Variants in SNX30 observed in about 807,000 individuals in gnomAD.
SNX30 encodes sorting nexin-30.
A neutral mutation model predicts 46.4 loss-of-function variants in SNX30; 24 were observed. That is an observed-to-expected ratio of 0.52 (90% CI 0.37 to 0.73). SNX30 has a LOEUF of 0.73. SNX30 is among the 30% of genes least tolerant of loss of function. The pLI is 0.00. For missense variants in SNX30, 533 were observed against 555.7 expected (o/e 0.96, Z 0.41); for synonymous variants, 189 against 211.5 (o/e 0.89, Z 0.92).
intron 8 of SNX30, among the ~76,000 whole-genome samples, chr9:112,865,232 A>G (rs1841305263): frequency 6.8e-6 from 1 of 147,276 alleles, no homozygotes; most frequent in Admixed American, 6.8e-5. Flanking sequence ...CACAACCCCC[A>G]CACACACCAT....
chr9:112,849,151 A>G (rs1840985753), intron 6 of SNX30, among the ~76,000 whole-genome samples: 1 of 152,142 alleles, frequency 6.6e-6, no homozygotes, highest in African/African-American at 2.4e-5. Flanking sequence ...CTGCTGTTCC[A>G]TTGCACCTTG....
rs932517926 is a variant in SNX30 at position 112,870,442 on chromosome 9, T to G, written c.*1599T>G. Reference sequence around the variant, plus strand: ...GGCTGTGGTGCTGTTGATGCCGCAGTTGGACAGCATAGGACGGCTTGGTTC... The same window carrying G: ...GGCTGTGGTGCTGTTGATGCCGCAGGTGGACAGCATAGGACGGCTTGGTTC... On this transcript the variant is annotated 3_prime_UTR_variant, in exon 9 of 9. Coordinates refer to ENST00000374232, the MANE Select transcript of SNX30 (RefSeq NM_001012994.2). 1.5e-4 allele frequency: 23 copies of G among 152,198 alleles called. No homozygotes were observed. The highest frequency in any genetic ancestry group is 5.3e-4 in the African/African-American group (22 of 41,434). The allele number at this position is 152,198 out of a possible 1,614,324, so 9.4% of individuals were successfully genotyped here. A position where few individuals can be genotyped will look rare whatever the true frequency, so the allele number is the denominator to read the frequency against.
chr9:112,870,536 G>A lies in SNX30; in HGVS notation c.*1693G>A, dbSNP rs1001060730. On this transcript the variant is annotated 3_prime_UTR_variant, in exon 9 of 9. Coordinates refer to ENST00000374232, the MANE Select transcript of SNX30 (RefSeq NM_001012994.2). ...TTAAATCAATTGGTACTTGCCTGTA[G>A]TGTTAAACCCTATTTGTGCCATTCT... 2.0e-5 allele frequency: 3 copies of A among 152,370 alleles called. No homozygotes were observed. Among genetic ancestry groups the A allele is most frequent in the South Asian group, 4.1e-4 (2 of 4,826 alleles). 9.4% of individuals were successfully genotyped at this position (152,370 alleles called of 1,614,324 possible).
chr9:112,804,187 G>T (rs71503541), intron 1 of SNX30, among the ~76,000 whole-genome samples: 10,220 of 151,488 alleles, frequency 0.067, 469 homozygotes, highest in Non-Finnish European at 0.11. Context: ...TTTTTTAAAT[G>T]GAGTTTCGCT....
At chr9:112,839,279 TTAAAAGGACATGA>T (rs1471282230) in intron 6 of SNX30, among the ~76,000 whole-genome samples, 2 of 152,146 alleles carry the variant, frequency 1.3e-5, no homozygotes, top group African/African-American at 4.8e-5. Context: ...AATCGTCTGA[TTAAAAGGACATGA>T]TAATTGCCCA....
chr9:112,851,642 G>A (rs148349031), intron 7 of SNX30, among the ~76,000 whole-genome samples: 141 of 152,370 alleles, frequency 9.3e-4, no homozygotes, highest in African/African-American at 3.3e-3. Flanking sequence ...CAAAGGAATT[G>A]TAATGGAGAA....
At chr9:112,777,243 A>G (rs143997326) in intron 1 of SNX30, among the ~76,000 whole-genome samples, 2 of 151,922 alleles carry the variant, frequency 1.3e-5, no homozygotes, top group African/African-American at 2.4e-5. Context: ...TTTTATTTTT[A>G]TATTCCTTTT....
In SNX30 at chr9:112,838,582, G is replaced by T; in HGVS notation, c.899G>T (p.Gly300Val). The change falls in exon 6 of 9, where the codon GGT (glycine) becomes GTT (valine). Residue 300 changes from glycine to valine, a missense_variant. Around this residue, in one of 3 missense-constraint regions of SNX30, gnomAD observed 261 missense variants for 270.9 expected, o/e 0.96. Transcript: ENST00000374232. Reference protein sequence around the residue: ...LEGELAEPLEGVSACIGNCST... With the variant: ...LEGELAEPLEVVSACIGNCST... Reference sequence around the variant, plus strand: ...GGTGAGCTGGCTGAACCCCTGGAGGGTGTGTCAGCTTGCATTGGGAACTGC... The same window carrying T: ...GGTGAGCTGGCTGAACCCCTGGAGGTTGTGTCAGCTTGCATTGGGAACTGC... 6.2e-7 allele frequency: 1 copy of T among 1,614,226 alleles called. No homozygotes were observed. Among genetic ancestry groups the T allele is most frequent in the African/African-American group, 1.3e-5 (1 of 75,068 alleles).
intron 2 of SNX30, among the ~76,000 whole-genome samples, chr9:112,816,298 C>G (rs1481489276): frequency 2.6e-5 from 4 of 152,138 alleles, no homozygotes; most frequent in African/African-American, 9.7e-5. Flanking sequence ...CCACTTGTTC[C>G]CAATATTTCT....
chr9:112,759,302 C>G (rs902071929), intron 1 of SNX30, among the ~76,000 whole-genome samples: 1 of 152,180 alleles, frequency 6.6e-6, no homozygotes, highest in Non-Finnish European at 1.5e-5. Context: ...TCTTCAGGGT[C>G]CTCAGTGATC....
chr9:112,750,421 GC>G (rs141872856), upstream of SNX30: 10,370 of 152,314 alleles, frequency 0.068, 449 homozygotes, highest in Non-Finnish European at 0.099. Flanking sequence ...TGTCCTCAAA[GC>G]CCCCAGCCCC....
chr9:112,759,198 A>T (rs1306037741), intron 1 of SNX30, among the ~76,000 whole-genome samples: 4 of 152,054 alleles, frequency 2.6e-5, no homozygotes, highest in Non-Finnish European at 5.9e-5. Context: ...TCTTTACAAT[A>T]CACTTTTCTG....
chr9:112,772,176 A>G (rs1391940710), intron 1 of SNX30, among the ~76,000 whole-genome samples: 3 of 152,120 alleles, frequency 2.0e-5, no homozygotes, highest in African/African-American at 7.2e-5. Flanking sequence ...AACAATCCTT[A>G]TTCTAGTGAG....
intron 1 of SNX30, among the ~76,000 whole-genome samples, chr9:112,797,435 T>C (rs1840124094): frequency 6.6e-6 from 1 of 151,714 alleles, no homozygotes; most frequent in Non-Finnish European, 1.5e-5. Context: ...TCTTGTATCA[T>C]TTATATCCCC....
chr9:112,857,820 T>C (rs374061055), intron 7 of SNX30, among the ~76,000 whole-genome samples: 5 of 146,922 alleles, frequency 3.4e-5, no homozygotes, highest in African/African-American at 1.3e-4. Context: ...ATCTATCTAT[T>C]TATTTATTGC....
chr9:112,796,966 C>A (rs1274633266), intron 1 of SNX30, among the ~76,000 whole-genome samples: 4 of 152,144 alleles, frequency 2.6e-5, no homozygotes, highest in African/African-American at 9.7e-5. Context: ...GGAAAGCACC[C>A]CCTCCTCCCC....
In SNX30 at chr9:112,817,701, G is replaced by T; in HGVS notation, c.349-4G>T. The stretch of plus-strand genomic sequence containing the variant: ...CTTATTTTTTTCCATTCTCTTCTTT[G>T]CAGAGTACTCGGGTGGAGTTTGACC... On this transcript the variant is annotated splice_region_variant and splice_polypyrimidine_tract_variant and intron_variant, in intron 2 of 8. Transcript: ENST00000374232. 2 of 1,554,416 alleles carry T rather than the reference G, an allele frequency of 1.3e-6. No homozygotes were observed. The highest frequency in any genetic ancestry group is 1.4e-5 in the African/African-American group (1 of 73,940).
At chr9:112,834,629 G>A (rs1476471467) in intron 4 of SNX30, among the ~76,000 whole-genome samples, 1 of 152,148 alleles carries the variant, frequency 6.6e-6, no homozygotes, top group Non-Finnish European at 1.5e-5. Flanking sequence ...CGTGACAGCA[G>A]CATTCCATCC....
intron 7 of SNX30, among the ~76,000 whole-genome samples, chr9:112,852,090 C>T (rs113353809): frequency 2.0e-5 from 3 of 152,232 alleles, no homozygotes; most frequent in Middle Eastern, 6.8e-3. Flanking sequence ...CAGGCCAGCT[C>T]GGAACTCGTC....
Sources: gnomAD v4.1 joint callset for allele counts (sites outside exome capture counted in the v4.1 genomes callset) on GRCh38, gnomAD v4.1.1 for gene constraint, gnomAD v4.1.1 regional missense constraint, MANE v1.5 for transcripts, NCBI Gene and HGNC (gene_info 2026-07-23, HGNC 2026-07-21) for gene names.